The following WDR75 variants were observed in gnomAD, a reference collection of about 807,000 sequenced individuals.
WDR75 encodes WD repeat domain 75.
Under a neutral mutation model 106.1 loss-of-function variants are expected in WDR75, and 52 were observed. The observed-to-expected ratio is 0.49, with a 90% CI of 0.39 to 0.62. The LOEUF (loss-of-function observed/expected upper bound fraction) is 0.62, where lower values mean the gene tolerates loss of function less well. WDR75 is among the 20% of genes least tolerant of loss of function. WDR75 has a pLI of 0.00. For synonymous variants in WDR75, 333 were observed against 335.5 expected (o/e 0.99, Z 0.08); for missense variants, 905 against 970.3 (o/e 0.93, Z 0.89).
intron 18 of WDR75, among the ~76,000 whole-genome samples, chr2:189,473,083 T>G (rs924772950): frequency 6.6e-6 from 1 of 151,884 alleles, no homozygotes; most frequent in Non-Finnish European, 1.5e-5. Context: ...CCAAGCATGG[T>G]GGTGCATGCC....
Position 189,462,651 on chromosome 2 carries a change from A to T in WDR75, c.937+9A>T, listed in dbSNP as rs1408828917. On this transcript the variant is annotated intron_variant, in intron 9 of 20. Transcript: ENST00000314761. ...TTCTCACTCTGATAATAGTAAGTCT[A>T]AATTTTTTATTATGAGGAAATATAT... 1 of 1,612,184 alleles carries T rather than the reference A, an allele frequency of 6.2e-7. No homozygotes were observed. Among genetic ancestry groups the T allele is most frequent in the Non-Finnish European group, 8.5e-7 (1 of 1,178,978 alleles).
Position 189,448,254 on chromosome 2 carries a change from C to G in WDR75, c.87-125C>G, listed in dbSNP as rs920435429. The G allele has an allele frequency of 4.8e-6, 5 of 1,047,018 alleles. No individual in the cohort carries two copies. The South Asian group carries it at 1.2e-4, about 25-fold the overall frequency. The allele number at this position is 1,047,018 out of a possible 1,614,324, so 64.9% of individuals were successfully genotyped here. On this transcript the variant is annotated intron_variant, in intron 1 of 20. Transcript: ENST00000314761. ...ATCTCAGCATTTTGGGAGGCCCAGG[C>G]AGGCGTATCACTTGAGGCCAGGAGT...
chr2:189,451,040 G>A (rs570840418), intron 3 of WDR75, 72 bp downstream of exon 3: 4 of 1,499,784 alleles, frequency 2.7e-6, no homozygotes, highest in Admixed American at 2.5e-5. Flanking sequence ...TAGATGTACT[G>A]TTTCTATAAG....
chr2:189,449,855 G>T, intron 2 of WDR75: 1 of 984,782 alleles, frequency 1.0e-6, no homozygotes, highest in Non-Finnish European at 1.2e-6. Flanking sequence ...CTGAGTCCAT[G>T]TCTCTATTTG....
In WDR75 at chr2:189,462,475, G is replaced by T; in HGVS notation, c.779-9G>T. The T allele has an allele frequency of 1.2e-6, 2 of 1,612,572 alleles. No individual in the cohort carries two copies. Among genetic ancestry groups the T allele is most frequent in the Non-Finnish European group, 1.7e-6 (2 of 1,179,096 alleles). ...ACCATCCTTTTAATTTCCTTGAATG[G>T]ATATGAAGGCACCAGTCTGCTGAGT... On this transcript the variant is annotated splice_polypyrimidine_tract_variant and intron_variant, in intron 8 of 20. Transcript: ENST00000314761.
intron 18 of WDR75, 76 bp from the exon 19 acceptor site, chr2:189,474,110 G>A: frequency 7.0e-7 from 1 of 1,436,736 alleles, no homozygotes; most frequent in East Asian, 2.3e-5. Flanking sequence ...TTATGATTCT[G>A]TAGTACTTAC....
intron 1 of WDR75, 140 bp downstream of exon 1, chr2:189,441,718 A>G (rs1018093149): frequency 4.2e-6 from 4 of 948,262 alleles, no homozygotes; most frequent in East Asian, 2.6e-5. Context: ...CCTGTGGGGG[A>G]TCCCCAGGGT....
chr2:189,450,404 G>A, intron 2 of WDR75: 1 of 956,984 alleles, frequency 1.0e-6, no homozygotes, highest in Non-Finnish European at 1.2e-6. Context: ...TGTCTCCCAG[G>A]CTGGAGTACA....
At chr2:189,468,044 G>T (rs1261222911) in intron 14 of WDR75, among the ~76,000 whole-genome samples, 1 of 152,150 alleles carries the variant, frequency 6.6e-6, no homozygotes, top group Non-Finnish European at 1.5e-5. Flanking sequence ...TCCTGCTTCA[G>T]GTAGTTGGGC....
At position 189,459,417 on chromosome 2, in the gene WDR75, A is replaced by C; in HGVS notation, c.771A>C (p.Ser257=). 1.2e-6 allele frequency: 2 copies of C among 1,611,614 alleles called. No individual in the cohort carries two copies. The highest frequency in any genetic ancestry group is 2.2e-5 in the South Asian group (2 of 90,676). ...ATATGGTTATGGATTTGGCTTTTTC[A>C]GTGACAGGTAAGTGCGGGTTTAATT... The part of the protein sequence containing the change: ...HHDMVMDLAF[S]VTGTSLLSGG... Residue 257 remains serine (S), a synonymous_variant, in exon 8 of 21, where the codon TCA becomes TCC. Coordinates refer to ENST00000314761, the MANE Select transcript of WDR75 (RefSeq NM_032168.3).
At chr2:189,463,486 C>G (rs907501930) in intron 9 of WDR75, among the ~76,000 whole-genome samples, 2 of 151,966 alleles carry the variant, frequency 1.3e-5, no homozygotes, top group Admixed American at 1.3e-4. Context: ...CTTCCCTGAG[C>G]CACATTGGAA....
intron 4 of WDR75, among the ~76,000 whole-genome samples, chr2:189,454,212 G>T (rs189574316): frequency 7.1e-4 from 108 of 152,330 alleles, no homozygotes; most frequent in African/African-American, 2.4e-3. Context: ...AAGTGAGCCA[G>T]TGGAGAATAG....
intron 1 of WDR75, among the ~76,000 whole-genome samples, chr2:189,446,526 C>T (rs537886862): frequency 1.3e-5 from 2 of 152,188 alleles, no homozygotes; most frequent in Non-Finnish European, 1.5e-5. Flanking sequence ...ACAGCACTTA[C>T]AAGAGACCAT....
intron 12 of WDR75, among the ~76,000 whole-genome samples, chr2:189,465,938 G>A (rs936389473): frequency 6.6e-6 from 1 of 152,084 alleles, no homozygotes; most frequent in African/African-American, 2.4e-5. Context: ...CTCTAAGCTC[G>A]AAATAAGCTT....
intron 17 of WDR75, 128 bp downstream of exon 17, chr2:189,470,373 G>A: frequency 2.0e-6 from 2 of 1,004,480 alleles, no homozygotes; most frequent in African/African-American, 1.6e-5. Flanking sequence ...CCAAAAAATT[G>A]TCTAATATGC....
Position 189,450,708 on chromosome 2 carries a change from G to A in WDR75, c.217-195G>A, listed in dbSNP as rs1574189688. 4 of 1,379,710 alleles carry A rather than the reference G, an allele frequency of 2.9e-6. No individual in the cohort carries two copies. The South Asian group carries it at 5.3e-5, about 18-fold the overall frequency. 85.5% of individuals were successfully genotyped at this position (1,379,710 alleles called of 1,614,324 possible). ...CTCTCTTTTAGTTAAAACTTGAAAT[G>A]GATGGATCTGCTTCTTGCAGAAAGC... On this transcript the variant is annotated intron_variant, in intron 2 of 20. Coordinates refer to ENST00000314761, the MANE Select transcript of WDR75 (RefSeq NM_032168.3).
intron 14 of WDR75, 51 bp downstream of exon 14, chr2:189,467,699 C>A: frequency 6.8e-7 from 1 of 1,471,464 alleles, no homozygotes; most frequent in Non-Finnish European, 9.0e-7. Context: ...CTTATTTAAA[C>A]AAGTCTTAAA....
chr2:189,465,061 GT>G lies in WDR75; in HGVS notation c.1114-10del, dbSNP rs113619469. 47 of 1,535,504 alleles carry G rather than the reference GT, an allele frequency of 3.1e-5. No homozygotes were observed. The highest frequency in any genetic ancestry group is 2.9e-4 in the South Asian group (23 of 79,952). On this transcript the variant is annotated splice_polypyrimidine_tract_variant and intron_variant, in intron 11 of 20. Coordinates refer to ENST00000314761, the MANE Select transcript of WDR75 (RefSeq NM_032168.3). ...TGTTAATAAACATTTTGGTTTTTTG[GT>G]TTTTTTTACTCATCAGTTAGATATT... is the stretch of plus-strand genomic sequence containing the variant.
chr2:189,455,898 T>G (rs1312541850), intron 5 of WDR75, among the ~76,000 whole-genome samples: 4 of 152,222 alleles, frequency 2.6e-5, no homozygotes, highest in Non-Finnish European at 5.9e-5. Context: ...TTTTCATCTT[T>G]TTTTTCACTT....
Sources: gnomAD v4.1 joint callset for allele counts (sites outside exome capture counted in the v4.1 genomes callset) on GRCh38, gnomAD v4.1.1 for gene constraint, MANE v1.5 for transcripts, NCBI Gene and HGNC (gene_info 2026-07-23, HGNC 2026-07-21) for gene names.